Variants in NOL10 observed in about 807,000 individuals in gnomAD.
NOL10 encodes H_NH0074G24.1.
Under a neutral mutation model 103.5 loss-of-function variants are expected in NOL10, and 58 were observed. The observed-to-expected ratio is 0.56, with a 90% CI of 0.45 to 0.70. The LOEUF (loss-of-function observed/expected upper bound fraction) is 0.70, where lower values mean the gene tolerates loss of function less well. NOL10 is among the 30% of genes least tolerant of loss of function. The probability of loss-of-function intolerance (pLI) is 0.00; values close to 1 mark genes in which losing one functional copy is unlikely to be tolerated. For missense variants in NOL10, 763 were observed against 807.3 expected (o/e 0.95, Z 0.67); for synonymous variants, 287 against 282.5 (o/e 1.02, Z -0.16).
At chr2:10,636,952 A>G (rs576360612) in intron 13 of NOL10, among the ~76,000 whole-genome samples, 2 of 152,246 alleles carry the variant, frequency 1.3e-5, no homozygotes, top group African/African-American at 2.4e-5. Context: ...CTGTAATCCT[A>G]GCACCTTGGG....
intron 17 of NOL10, among the ~76,000 whole-genome samples, chr2:10,595,463 C>T (rs1675625772): frequency 6.6e-6 from 1 of 152,142 alleles, no homozygotes; most frequent in African/African-American, 2.4e-5. Context: ...CACCACTACA[C>T]CCAGCTAATG....
rs780939988 is a variant in NOL10 at position 10,681,988 on chromosome 2, T to G, written c.194A>C (p.Gln65Pro). The change falls in exon 3 of 21, where the codon CAG becomes CCG. Residue 65 changes from glutamine (Q) to proline (P), a missense_variant. Physicochemically the swap from Gln to Pro is moderately conservative, Grantham distance 76 (BLOSUM62 -1). Coordinates refer to ENST00000381685, the MANE Select transcript of NOL10 (RefSeq NM_024894.4). Reference sequence around the variant, plus strand: ...ATGCTTACCAGTTGCTAAAATGTACTGTCCATCTTTTGACACCTTAATAGT... The same window carrying G: ...ATGCTTACCAGTTGCTAAAATGTACGGTCCATCTTTTGACACCTTAATAGT... ...CTTIKVSKDG[Q>P]YILATGTYKP... 26 of 1,461,750 alleles carry G rather than the reference T, an allele frequency of 1.8e-5. No individual in the cohort carries two copies. The highest frequency in any genetic ancestry group is 2.4e-5 in the Non-Finnish European group (26 of 1,095,268). The allele number at this position is 1,461,750 out of a possible 1,614,324, so 90.5% of individuals were successfully genotyped here.
At chr2:10,620,538 C>A (rs1019702406) in intron 13 of NOL10, among the ~76,000 whole-genome samples, 4 of 151,982 alleles carry the variant, frequency 2.6e-5, no homozygotes, top group Admixed American at 2.0e-4. Flanking sequence ...CCCATATGTT[C>A]CCCCAAATAA....
At chr2:10,672,112 G>A (rs1680985829) in intron 5 of NOL10, among the ~76,000 whole-genome samples, 1 of 152,134 alleles carries the variant, frequency 6.6e-6, no homozygotes, top group Non-Finnish European at 1.5e-5. Flanking sequence ...TGGGTCACCT[G>A]AGGTAGGGAG....
intron 6 of NOL10, among the ~76,000 whole-genome samples, chr2:10,669,752 C>T (rs1388421473): frequency 6.6e-6 from 1 of 151,496 alleles, no homozygotes; most frequent in Admixed American, 6.6e-5. Flanking sequence ...ATTACCTGGG[C>T]GTGGCGGCGC....
At chr2:10,629,521 G>C (rs1426319578) in intron 13 of NOL10, among the ~76,000 whole-genome samples, 8 of 152,068 alleles carry the variant, frequency 5.3e-5, no homozygotes, top group Non-Finnish European at 1.2e-4. Flanking sequence ...GCAGTGGAAG[G>C]GTATTTGAGT....
Position 10,681,952 on chromosome 2 carries a change from T to A in NOL10, c.211+19A>T. The A allele has an allele frequency of 1.7e-6, 2 of 1,200,612 alleles. No individual in the cohort carries two copies. The highest frequency in any genetic ancestry group is 2.3e-6 in the Non-Finnish European group (2 of 888,510). The allele number at this position is 1,200,612 out of a possible 1,614,324, so 74.4% of individuals were successfully genotyped here. ...CCTGGTACAAAATGCATGAAAATCA[T>A]AACCAAAAAGATGCTTACCAGTTGC... On this transcript the variant is annotated intron_variant, in intron 3 of 20. Transcript: ENST00000381685.
intron 13 of NOL10, among the ~76,000 whole-genome samples, chr2:10,636,165 G>C (rs1305887152): frequency 6.6e-6 from 1 of 152,192 alleles, no homozygotes; most frequent in Non-Finnish European, 1.5e-5. Context: ...TGGGATTACA[G>C]GCATGAGCCA....
Position 10,572,126 on chromosome 2 carries a change from C to T in NOL10, c.2012G>A (p.Arg671His), listed in dbSNP as rs139240350. ...KLHRQERKRL[R>H]RSAGHLKSRH... is the part of the protein sequence containing the mutation. ...TGACTTCAGGTGTCCGGCCGAACGA[C>T]GGAGTCTTTTCCTTTCTTGTCGATG... The change falls in exon 21 of 21, where the codon CGT becomes CAT. Residue 671 changes from arginine to histidine, a missense_variant. Arg to His is a conservative substitution (Grantham distance 29). Transcript: ENST00000381685. 61 of 1,613,906 alleles carry T rather than the reference C, an allele frequency of 3.8e-5. No individual in the cohort carries two copies. The highest frequency in any genetic ancestry group is 3.6e-4 in the South Asian group (33 of 91,090).
intron 13 of NOL10, among the ~76,000 whole-genome samples, chr2:10,637,665 C>T (rs542949171): frequency 6.6e-6 from 1 of 152,300 alleles, no homozygotes; most frequent in Admixed American, 6.5e-5. Flanking sequence ...CTTTGGTTTG[C>T]GTGCCTCTGT....
At chr2:10,584,987 C>G (rs1674947783) in intron 19 of NOL10, among the ~76,000 whole-genome samples, 1 of 152,174 alleles carries the variant, frequency 6.6e-6, no homozygotes, top group Non-Finnish European at 1.5e-5. Context: ...AAATCACAGC[C>G]TCCTGTTGCT....
intron 12 of NOL10, among the ~76,000 whole-genome samples, chr2:10,644,910 T>C (rs557317399): frequency 1.3e-5 from 2 of 152,348 alleles, no homozygotes; most frequent in East Asian, 3.9e-4. Flanking sequence ...TTTGTTCCCT[T>C]TTCTCTGCCA....
At chr2:10,636,123 A>G (rs1041378005) in intron 13 of NOL10, among the ~76,000 whole-genome samples, 1 of 152,114 alleles carries the variant, frequency 6.6e-6, no homozygotes, top group African/African-American at 2.4e-5. Flanking sequence ...CTTGGCCTCA[A>G]GTGATCTACC....
At chr2:10,608,221 T>C (rs571301787) in intron 13 of NOL10, among the ~76,000 whole-genome samples, 1 of 152,252 alleles carries the variant, frequency 6.6e-6, no homozygotes, top group East Asian at 1.9e-4. Context: ...AAATAAGTCT[T>C]CAAAACTAAA....
At chr2:10,614,475 T>C (rs1427986277) in intron 13 of NOL10, among the ~76,000 whole-genome samples, 1 of 152,180 alleles carries the variant, frequency 6.6e-6, no homozygotes, top group Non-Finnish European at 1.5e-5. Context: ...AGTAATACAG[T>C]ATGTATGCTG....
At chr2:10,617,783 C>T (rs1002898659) in intron 13 of NOL10, among the ~76,000 whole-genome samples, 2 of 152,076 alleles carry the variant, frequency 1.3e-5, no homozygotes, top group African/African-American at 4.8e-5. Flanking sequence ...ACTCAGCAAT[C>T]AAAAGGAATA....
Position 10,649,118 on chromosome 2 carries a change from A to G in NOL10, c.974-4746T>C, listed in dbSNP as rs114668199. 4.6e-3 allele frequency among the ~76,000 whole-genome samples: 695 copies of G among 152,230 alleles called. 4 individuals are homozygous for G. The highest frequency in any genetic ancestry group is 0.016 in the African/African-American group (647 of 41,544). Reference sequence around the variant, plus strand: ...AATTTCAATGATTTTCAGGAGATCAATGCCACCCTGGGTGCAGGTGAGTGC... The same window carrying G: ...AATTTCAATGATTTTCAGGAGATCAGTGCCACCCTGGGTGCAGGTGAGTGC... On this transcript the variant is annotated intron_variant, in intron 12 of 20. Coordinates refer to ENST00000381685, the MANE Select transcript of NOL10 (RefSeq NM_024894.4).
rs747853890 is a variant in NOL10 at position 10,675,860 on chromosome 2, G to T, written c.223C>A (p.Pro75Thr). ...TAGGTGTCATAACATCGAACCCGAG[G>T]TTTATATGTTCCTACAAAAAATTAA... ...QYILATGTYK[P>T]RVRCYDTYQL... The change falls in exon 4 of 21, where the codon CCT becomes ACT. Residue 75 changes from proline (P) to threonine (T), a missense_variant. Transcript: ENST00000381685. 5.8e-6 allele frequency: 9 copies of T among 1,564,104 alleles called. No individual in the cohort carries two copies. The South Asian group carries it at 9.5e-5, about 17-fold the overall frequency.
intron 13 of NOL10, among the ~76,000 whole-genome samples, chr2:10,643,464 G>A (rs1678854753): frequency 6.6e-6 from 1 of 151,918 alleles, no homozygotes; most frequent in Non-Finnish European, 1.5e-5. Context: ...TATACTATGT[G>A]TTTTTCTGCT....
Sources: allele counts gnomAD v4.1 joint callset (sites outside exome capture counted in the v4.1 genomes callset), GRCh38; gene constraint gnomAD v4.1.1; transcripts MANE v1.5; gene names NCBI Gene and HGNC (gene_info 2026-07-23, HGNC 2026-07-21).